The following UPK1B variants were observed in gnomAD, a reference collection of about 807,000 sequenced individuals.
UPK1B encodes the protein uroplakin 1B.
UPK1B carries 28 observed loss-of-function variants against 34.2 expected under a neutral mutation model. The observed-to-expected ratio is 0.82, with a 90% CI of 0.61 to 1.12. UPK1B has a LOEUF of 1.12. UPK1B is among the 50% of genes most tolerant of loss of function. The pLI is 0.00. For missense variants in UPK1B, 325 were observed against 320.9 expected (o/e 1.01, Z -0.10); for synonymous variants, 81 against 110.4 (o/e 0.73, Z 1.67).
intron 3 of UPK1B, 76 bp from the exon 4 acceptor site, chr3:119,190,169 A>G (rs2078037540): frequency 8.3e-7 from 1 of 1,207,110 alleles, no homozygotes; most frequent in Non-Finnish European, 1.2e-6. Context: ...AATTTGCTGA[A>G]AAAACATAAT....
At chr3:119,184,849 T>C (rs1487531419) in intron 1 of UPK1B, among the ~76,000 whole-genome samples, 1 of 152,236 alleles carries the variant, frequency 6.6e-6, no homozygotes, top group Non-Finnish European at 1.5e-5. Context: ...TTCTGCCCTT[T>C]CCTCTCTATG....
chr3:119,190,935 A>T, intron 4 of UPK1B, 47 bp from the exon 5 acceptor site: 1 of 1,605,170 alleles, frequency 6.2e-7, no homozygotes, highest in Non-Finnish European at 8.5e-7. Context: ...TCTCCTTGAA[A>T]ATTAGCGTGC....
At chr3:119,185,035 G>A (rs962430887) in intron 1 of UPK1B, among the ~76,000 whole-genome samples, 5 of 152,184 alleles carry the variant, frequency 3.3e-5, no homozygotes, top group South Asian at 2.1e-4. Context: ...AGTCTAACAC[G>A]CAACAATAAC....
At chr3:119,188,723 G>C (rs2078030843) in intron 3 of UPK1B, among the ~76,000 whole-genome samples, 1 of 152,214 alleles carries the variant, frequency 6.6e-6, no homozygotes, top group Non-Finnish European at 1.5e-5. Flanking sequence ...GACCCCTACT[G>C]TCTGCCCTAA....
intron 6 of UPK1B, among the ~76,000 whole-genome samples, 177 bp downstream of exon 6, chr3:119,194,575 TA>T (rs1416979592): frequency 1.3e-5 from 2 of 152,212 alleles, no homozygotes; most frequent in African/African-American, 2.4e-5. Flanking sequence ...CCAGGACTGA[TA>T]GGGGCAAATT....
chr3:119,193,780 C>G (rs1398179856), intron 5 of UPK1B, among the ~76,000 whole-genome samples: 3 of 152,110 alleles, frequency 2.0e-5, no homozygotes, highest in African/African-American at 7.2e-5. Context: ...AATTATTCCT[C>G]TCTCACATTG....
chr3:119,183,536 A>T (rs2077999295), intron 1 of UPK1B, among the ~76,000 whole-genome samples: 1 of 152,178 alleles, frequency 6.6e-6, no homozygotes, highest in Non-Finnish European at 1.5e-5. Flanking sequence ...TGCTGGGATT[A>T]CAGGCGTGAA....
At position 119,194,208 on chromosome 3, in the gene UPK1B, T is replaced by C. The variant is rs761992307; in HGVS notation, c.469-11T>C. 3.7e-6 allele frequency: 6 copies of C among 1,612,936 alleles called. No individual in the cohort carries two copies. Among genetic ancestry groups the C allele is most frequent in the Non-Finnish European group, 4.2e-6 (5 of 1,179,518 alleles). ...ACGAAAGAGAATTTTGTATCTCTCATCTGCTGACAGGACAATTGCTGTGGC... is the reference window on the plus strand; with the variant it reads ...ACGAAAGAGAATTTTGTATCTCTCACCTGCTGACAGGACAATTGCTGTGGC... On this transcript the variant is annotated splice_polypyrimidine_tract_variant and intron_variant, in intron 5 of 7. Transcript: ENST00000264234.
chr3:119,186,670 A>G, intron 1 of UPK1B, 44 bp from the exon 2 acceptor site: 2 of 1,508,614 alleles, frequency 1.3e-6, no homozygotes, highest in East Asian at 2.3e-5. Context: ...TGGTTTACTC[A>G]TGTTACAGAA....
At chr3:119,180,750 C>T (rs1456206106) in intron 1 of UPK1B, among the ~76,000 whole-genome samples, 2 of 151,900 alleles carry the variant, frequency 1.3e-5, no homozygotes, top group African/African-American at 2.4e-5. Flanking sequence ...AAGTGCATTA[C>T]TCTACCCCTA....
At chr3:119,194,194 T>C in intron 5 of UPK1B, 25 bp from the exon 6 acceptor site, 2 of 1,610,796 alleles carry the variant, frequency 1.2e-6, no homozygotes, top group Non-Finnish European at 1.7e-6. Context: ...CGAAAGAGAA[T>C]TTTGTATCTC....
chr3:119,197,104 G>A (rs917930126), intron 6 of UPK1B, among the ~76,000 whole-genome samples: 1 of 152,146 alleles, frequency 6.6e-6, no homozygotes, highest in African/African-American at 2.4e-5. Context: ...ATGCACAAAT[G>A]TGCTGCTATA....
intron 1 of UPK1B, among the ~76,000 whole-genome samples, chr3:119,175,695 T>C (rs1410337385): frequency 6.6e-6 from 1 of 152,158 alleles, no homozygotes. Flanking sequence ...CCCATCATAC[T>C]GGGAGCACCA....
At chr3:119,192,615 G>C (rs936474931) in intron 5 of UPK1B, among the ~76,000 whole-genome samples, 3 of 152,114 alleles carry the variant, frequency 2.0e-5, no homozygotes, top group Non-Finnish European at 4.4e-5. Flanking sequence ...TAAGAATATA[G>C]AAGAAATTAG....
chr3:119,181,859 G>A (rs2077990895), intron 1 of UPK1B, among the ~76,000 whole-genome samples: 1 of 152,170 alleles, frequency 6.6e-6, no homozygotes, highest in Non-Finnish European at 1.5e-5. Context: ...CCCTTCACAG[G>A]TTGGCAATGG....
chr3:119,189,617 C>T (rs554028130), intron 3 of UPK1B, among the ~76,000 whole-genome samples: 35 of 152,356 alleles, frequency 2.3e-4, no homozygotes, highest in African/African-American at 8.4e-4. Flanking sequence ...CTCAACTGAA[C>T]CAATGTACTT....
chr3:119,194,361 C>T lies in UPK1B; in HGVS notation c.611C>T (p.Ala204Val), dbSNP rs1421078208. The change falls in exon 6 of 8, where the codon GCT becomes GTT. Residue 204 changes from alanine to valine, a missense_variant. Ala to Val is a moderately conservative substitution (Grantham distance 64, BLOSUM62 0). Transcript: ENST00000264234. Reference sequence around the variant, plus strand: ...CTTAAAGAACCTCTCAACCTGGAGGCTTGTAAACTAGGCGTGCCTGGTTTT... The same window carrying T: ...CTTAAAGAACCTCTCAACCTGGAGGTTTGTAAACTAGGCGTGCCTGGTTTT... ...NNLKEPLNLE[A>V]CKLGVPGFYH... 1 of 1,613,524 alleles carries T rather than the reference C, an allele frequency of 6.2e-7. No individual in the cohort carries two copies. Among genetic ancestry groups the T allele is most frequent in the Admixed American group, 1.7e-5 (1 of 59,984 alleles).
At position 119,203,985 on chromosome 3, in the gene UPK1B, C is replaced by G; in HGVS notation, c.*18C>G. ...AATATTAAGCATAAAGTGTTGCCAC[C>G]ATACCTCCTTCCCCGAGTGACTCTG... On this transcript the variant is annotated 3_prime_UTR_variant, in exon 8 of 8. Coordinates refer to ENST00000264234, the MANE Select transcript of UPK1B (RefSeq NM_006952.4). 6.2e-7 allele frequency: 1 copy of G among 1,613,426 alleles called. No homozygotes were observed.
In UPK1B at chr3:119,194,404, TC is replaced by T; in HGVS notation, c.648+8del. The T allele has an allele frequency of 6.3e-7, 1 of 1,596,324 alleles. No homozygotes were observed. Among genetic ancestry groups the T allele is most frequent in the Non-Finnish European group, 8.5e-7 (1 of 1,173,168 alleles). ...CTGGTTTTTATCACAATCAGGTGAGTCCTCTCTCCTCCCAAGACTTCCCAGG... is the reference window on the plus strand; with the variant it reads ...CTGGTTTTTATCACAATCAGGTGAGTCTCTCTCCTCCCAAGACTTCCCAGG... On this transcript the variant is annotated splice_region_variant and intron_variant, in intron 6 of 7. Transcript: ENST00000264234.
Sources: gnomAD v4.1 joint callset for allele counts (sites outside exome capture counted in the v4.1 genomes callset) on GRCh38, gnomAD v4.1.1 for gene constraint, MANE v1.5 for transcripts, NCBI Gene and HGNC (gene_info 2026-07-23, HGNC 2026-07-21) for gene names.